Variants in DAB1 observed in about 807,000 individuals in gnomAD.
The protein encoded by DAB1 is DAB adaptor protein 1, also known as disabled homolog 1.
In DAB1, 15 loss-of-function variants were observed where a neutral mutation model predicts 64.6. That is an observed-to-expected ratio of 0.23 (90% CI 0.16 to 0.36). DAB1 has a LOEUF of 0.36. Ranked by LOEUF, DAB1 falls within the 10% of genes least tolerant of loss-of-function variation. DAB1 has a pLI of 1.00. For missense variants in DAB1, 596 were observed against 706.7 expected, an observed-to-expected ratio of 0.84 and a Z score of 1.78; for synonymous variants, 235 against 251.9, an observed-to-expected ratio of 0.93 and a Z score of 0.64.
At chr1:57,223,897 C>G (rs1451027666) in intron 2 of DAB1, among the ~76,000 whole-genome samples, 1 of 152,110 alleles carries the variant, frequency 6.6e-6, no homozygotes, top group Non-Finnish European at 1.5e-5. Context: ...GCAGGCTGGA[C>G]AGTGTGATAT....
chr1:57,190,632 A>C (rs11807974), intron 2 of DAB1, among the ~76,000 whole-genome samples: 12,925 of 152,100 alleles, frequency 0.085, 1,211 homozygotes, highest in African/African-American at 0.23. Context: ...CCAGTATGCA[A>C]AAGTCAACCA....
intron 4 of DAB1, among the ~76,000 whole-genome samples, chr1:58,178,569 G>A (rs1336848759): frequency 6.6e-6 from 1 of 152,212 alleles, no homozygotes; most frequent in African/African-American, 2.4e-5. Context: ...GGGACTGGTT[G>A]ATAGTAAGCA....
chr1:57,360,811 A>G (rs905590953), intron 1 of DAB1, among the ~76,000 whole-genome samples: 1 of 152,148 alleles, frequency 6.6e-6, no homozygotes, highest in African/African-American at 2.4e-5. Flanking sequence ...TTGAAATCCA[A>G]CTGACTTGAC....
intron 4 of DAB1, among the ~76,000 whole-genome samples, chr1:58,339,845 TA>T (rs1663209340): frequency 6.6e-6 from 1 of 152,204 alleles, no homozygotes; most frequent in South Asian, 2.1e-4. Flanking sequence ...ATACCTCATT[TA>T]AAATTAATAT....
Position 57,476,325 on chromosome 1 carries a change from C to T in DAB1, n.625+173267G>A, listed in dbSNP as rs569348854. ...TATATTTTATATTATCTGTAACATGCCCCAGAGTCCCAATAAAATGTCAAT... is the reference window on the plus strand; with the variant it reads ...TATATTTTATATTATCTGTAACATGTCCCAGAGTCCCAATAAAATGTCAAT... On this transcript the variant is annotated intron_variant and non_coding_transcript_variant, in intron 7 of 20. Transcript: ENST00000485760. 1.4e-4 allele frequency among the ~76,000 whole-genome samples: 21 copies of T among 151,528 alleles called. No homozygotes were observed. In the Middle Eastern group the frequency reaches 0.01, roughly 75 times the overall value.
chr1:57,529,107 A>G (rs544046399), intron 7 of DAB1, among the ~76,000 whole-genome samples: 16 of 140,882 alleles, frequency 1.1e-4, no homozygotes, highest in Non-Finnish European at 2.3e-4. Flanking sequence ...GAATTATACA[A>G]TTACTGAGTT....
intron 6 of DAB1, among the ~76,000 whole-genome samples, chr1:57,663,052 A>T (rs149235818): frequency 2.6e-4 from 39 of 152,316 alleles, no homozygotes; most frequent in Non-Finnish European, 4.1e-4. Context: ...GGTAATTTAT[A>T]AAGAAAAGAG....
At position 57,398,182 on chromosome 1, in the gene DAB1, G is replaced by A. The variant is rs934031447; in HGVS notation, c.-137+25748C>T. On this transcript the variant is annotated intron_variant, in intron 1 of 14. Coordinates refer to ENST00000371236, the MANE Select transcript of DAB1 (RefSeq NM_001365792.1). ...CACCCTTTGAGCAAGGCCCATAGGC[G>A]GCAGAGAGAATTATAAAGTGAAAGA... 4.6e-5 allele frequency among the ~76,000 whole-genome samples: 7 copies of A among 152,280 alleles called. No homozygotes were observed. In the South Asian group the frequency reaches 6.2e-4, roughly 14 times the overall value.
chr1:58,317,765 C>T (rs1662590713), intron 4 of DAB1, among the ~76,000 whole-genome samples: 1 of 152,194 alleles, frequency 6.6e-6, no homozygotes, highest in Non-Finnish European at 1.5e-5. Flanking sequence ...GGACTGAGAA[C>T]CTGCAGAAGA....
intron 4 of DAB1, among the ~76,000 whole-genome samples, chr1:58,248,773 C>A (rs567354145): frequency 8.7e-4 from 133 of 152,232 alleles, no homozygotes; most frequent in African/African-American, 3.0e-3. Context: ...ACTGCAGTGA[C>A]AAACCCCGCC....
chr1:57,315,202 C>A (rs1050224123), intron 1 of DAB1, among the ~76,000 whole-genome samples: 1 of 152,086 alleles, frequency 6.6e-6, no homozygotes, highest in Non-Finnish European at 1.5e-5. Context: ...CTGAGGCCAC[C>A]CAAACTAAAA....
chr1:56,995,154 A>G lies in DAB1; in HGVS notation c.*2990T>C, dbSNP rs1326121476. 1 of 152,232 alleles carries G rather than the reference A, an allele frequency of 6.6e-6. No homozygotes were observed. The highest frequency in any genetic ancestry group is 6.5e-5 in the Admixed American group (1 of 15,282). The allele number at this position is 152,232 out of a possible 1,614,324, so 9.4% of individuals were successfully genotyped here. Reference sequence around the variant, plus strand: ...GTCTTGCGGCATGTAAAGATTGAAGAGCTATGGAGAATGGGGACAGAATGA... The same window carrying G: ...GTCTTGCGGCATGTAAAGATTGAAGGGCTATGGAGAATGGGGACAGAATGA... On this transcript the variant is annotated 3_prime_UTR_variant, in exon 15 of 15. Transcript: ENST00000371236.
In DAB1 at chr1:58,352,681, A is replaced by G. The variant is rs193102283; in HGVS notation, n.258-9278T>C. Among the ~76,000 whole-genome samples the G allele has an allele frequency of 2.2e-3, 342 of 152,306 alleles. 2 individuals carry two copies. The highest frequency in any genetic ancestry group is 6.8e-3 in the Middle Eastern group (2 of 294). ...GCTATTCACACTGTGGTCTACTGCT[A>G]TGGCCTGAATGTTTGTGCACTCCCA... On this transcript the variant is annotated intron_variant and non_coding_transcript_variant, in intron 3 of 20. Transcript: ENST00000485760.
rs148956579 is a variant in DAB1, at chr1:57,193,310, T to C, written c.68-47881A>G. ...TAGATCCCACATATCAGTGGACTCATACAGTACTGGTCTTTTTCTGCCTGG... is the reference window on the plus strand; with the variant it reads ...TAGATCCCACATATCAGTGGACTCACACAGTACTGGTCTTTTTCTGCCTGG... On this transcript the variant is annotated intron_variant, in intron 2 of 14. Coordinates refer to ENST00000371236, the MANE Select transcript of DAB1 (RefSeq NM_001365792.1). 1.3e-3 allele frequency among the ~76,000 whole-genome samples: 197 copies of C among 151,430 alleles called. 1 individual carries two copies. Among genetic ancestry groups the C allele is most frequent in the African/African-American group, 4.2e-3 (174 of 41,316 alleles).
At chr1:57,043,314 T>C (rs1648033888) in intron 9 of DAB1, among the ~76,000 whole-genome samples, 1 of 152,212 alleles carries the variant, frequency 6.6e-6, no homozygotes, top group African/African-American at 2.4e-5. Context: ...CCAGTCTCTA[T>C]AAAGGCCACC....
intron 4 of DAB1, among the ~76,000 whole-genome samples, chr1:58,202,529 G>C (rs1013480215): frequency 6.6e-6 from 1 of 152,208 alleles, no homozygotes; most frequent in Non-Finnish European, 1.5e-5. Flanking sequence ...CACAGCAGAA[G>C]TGATGCTACA....
intron 7 of DAB1, among the ~76,000 whole-genome samples, chr1:57,522,691 G>T (rs138808108): frequency 6.6e-6 from 1 of 152,076 alleles, no homozygotes; most frequent in Non-Finnish European, 1.5e-5. Context: ...ATTGTTCCTG[G>T]GTGTGTCTGT....
rs17116459 is a variant in DAB1, at chr1:57,914,935, C to A, written n.388-30773G>T. Reference sequence around the variant, plus strand: ...TTTTAGCACCCTAACTCTTAGGAATCCCTGGTCTAGTATGAAAATTGCAGA... The same window carrying A: ...TTTTAGCACCCTAACTCTTAGGAATACCTGGTCTAGTATGAAAATTGCAGA... On this transcript the variant is annotated intron_variant and non_coding_transcript_variant, in intron 5 of 20. Transcript: ENST00000485760. 8.4e-3 allele frequency among the ~76,000 whole-genome samples: 1,275 copies of A among 152,156 alleles called. 16 individuals carry two copies. Among genetic ancestry groups the A allele is most frequent in the African/African-American group, 0.03 (1,236 of 41,508 alleles).
chr1:58,520,213 G>A (rs1453378271), intron 2 of DAB1, among the ~76,000 whole-genome samples: 1 of 151,918 alleles, frequency 6.6e-6, no homozygotes, highest in Non-Finnish European at 1.5e-5. Context: ...ATTTACCCAC[G>A]TAACAGACCT....
Sources: allele counts gnomAD v4.1 joint callset (sites outside exome capture counted in the v4.1 genomes callset), GRCh38; gene constraint gnomAD v4.1.1; transcripts MANE v1.5; gene names NCBI Gene and HGNC (gene_info 2026-07-23, HGNC 2026-07-21).